CHCHD6: variants seen among roughly 807,000 people sequenced by gnomAD.
CHCHD6 encodes coiled-coil-helix-coiled-coil-helix domain containing 6, also known as MICOS complex subunit MIC25.
CHCHD6 carries 28 observed loss-of-function variants against 32.3 expected under a neutral mutation model. The observed-to-expected ratio is 0.87, with a 90% CI of 0.64 to 1.19. CHCHD6 has a LOEUF of 1.19. Among genes scored for constraint, CHCHD6 ranks in the 50% most tolerant of loss-of-function variants. The probability of loss-of-function intolerance (pLI) is 0.00; values close to 1 mark genes in which losing one functional copy is unlikely to be tolerated. For missense variants in CHCHD6, 333 were observed against 307.0 expected (o/e 1.08, Z -0.63); for synonymous variants, 122 against 117.5 (o/e 1.04, Z -0.25).
At chr3:126,925,417 CT>C (rs2078308500) in intron 6 of CHCHD6, among the ~76,000 whole-genome samples, 1 of 152,224 alleles carries the variant, frequency 6.6e-6, no homozygotes, top group African/African-American at 2.4e-5. Flanking sequence ...TAAGTTAGAT[CT>C]AGCAAAGAAC....
At chr3:126,898,804 G>T (rs893642204) in intron 5 of CHCHD6, among the ~76,000 whole-genome samples, 2 of 152,192 alleles carry the variant, frequency 1.3e-5, no homozygotes, top group Middle Eastern at 3.2e-3. Context: ...CTCCCAAAGT[G>T]CTGGGATTAC....
At chr3:126,738,844 G>A (rs773341744) in intron 4 of CHCHD6, among the ~76,000 whole-genome samples, 3 of 152,208 alleles carry the variant, frequency 2.0e-5, no homozygotes, top group Non-Finnish European at 4.4e-5. Flanking sequence ...TGATATTTGG[G>A]AGTCAACTAA....
chr3:126,760,343 T>C (rs1234202916), intron 4 of CHCHD6, among the ~76,000 whole-genome samples: 1 of 152,230 alleles, frequency 6.6e-6, no homozygotes, highest in Non-Finnish European at 1.5e-5. Context: ...GTAAAATATA[T>C]ATAAAATAAA....
At position 126,851,722 on chromosome 3, in the gene CHCHD6, G is replaced by A. The variant is rs181349459; in HGVS notation, c.412-925G>A. Among the ~76,000 whole-genome samples the A allele has an allele frequency of 8.3e-4, 126 of 152,336 alleles. 1 individual carries two copies. Among genetic ancestry groups the A allele is most frequent in the African/African-American group, 3.0e-3 (126 of 41,580 alleles). ...CTGGGGACATGAGTATCCCAGTGAC[G>A]GGACTTACATCCCTGCCTTGCCGTG... On this transcript the variant is annotated intron_variant, in intron 4 of 7. Coordinates refer to ENST00000290913, the MANE Select transcript of CHCHD6 (RefSeq NM_032343.3).
chr3:126,915,817 G>T (rs2078160651), intron 6 of CHCHD6, among the ~76,000 whole-genome samples: 7 of 152,170 alleles, frequency 4.6e-5, no homozygotes, highest in Admixed American at 4.6e-4. Flanking sequence ...TTGAGGCAGG[G>T]TCTCACTGTG....
At chr3:126,897,361 A>G (rs1301063712) in intron 5 of CHCHD6, among the ~76,000 whole-genome samples, 1 of 152,214 alleles carries the variant, frequency 6.6e-6, no homozygotes, top group Non-Finnish European at 1.5e-5. Context: ...CTTTTGGATT[A>G]ATATAGTGGT....
intron 4 of CHCHD6, among the ~76,000 whole-genome samples, chr3:126,774,182 C>T (rs6771432): frequency 0.012 from 1,895 of 152,228 alleles, 41 homozygotes; most frequent in African/African-American, 0.041. Context: ...AAAATTCACA[C>T]GTTAAGTGCT....
intron 4 of CHCHD6, among the ~76,000 whole-genome samples, chr3:126,784,279 G>T (rs1576411371): frequency 6.6e-6 from 1 of 152,078 alleles, no homozygotes; most frequent in South Asian, 2.1e-4. Context: ...CCACTGTTTT[G>T]CTCTTCGTGC....
At chr3:126,751,644 T>G (rs546381773) in intron 4 of CHCHD6, among the ~76,000 whole-genome samples, 1 of 151,628 alleles carries the variant, frequency 6.6e-6, no homozygotes, top group East Asian at 1.9e-4. Flanking sequence ...AGAGTGTGAG[T>G]TTTTTATTTA....
At chr3:126,805,451 A>G (rs1171379212) in intron 4 of CHCHD6, among the ~76,000 whole-genome samples, 1 of 152,142 alleles carries the variant, frequency 6.6e-6, no homozygotes, top group Non-Finnish European at 1.5e-5. Flanking sequence ...CCCATTCACA[A>G]TTGCTTCAAA....
chr3:126,807,085 T>A (rs1416473846), intron 4 of CHCHD6, among the ~76,000 whole-genome samples: 1 of 148,052 alleles, frequency 6.8e-6, no homozygotes, highest in Non-Finnish European at 1.5e-5. Flanking sequence ...CATTAGGCGA[T>A]ATACCTAATG....
chr3:126,929,485 A>G (rs2078371788), intron 6 of CHCHD6, among the ~76,000 whole-genome samples: 1 of 152,184 alleles, frequency 6.6e-6, no homozygotes, highest in Non-Finnish European at 1.5e-5. Context: ...GTTTATTCCC[A>G]GTAAACTTCA....
chr3:126,719,962 C>A (rs951916762), intron 1 of CHCHD6, among the ~76,000 whole-genome samples: 2 of 152,104 alleles, frequency 1.3e-5, no homozygotes, highest in African/African-American at 4.8e-5. Flanking sequence ...CTTACTGCAA[C>A]CTCCACCTCC....
In CHCHD6 at chr3:126,704,343, A is replaced by C; in HGVS notation, c.31A>C (p.Arg11=). The C allele has an allele frequency of 6.2e-7, 1 of 1,600,940 alleles. No individual in the cohort carries two copies. The highest frequency in any genetic ancestry group is 1.3e-5 in the African/African-American group (1 of 74,766). The change falls in exon 1 of 8, where the codon AGG becomes CGG. Residue 11 remains arginine (R), a synonymous_variant. Coordinates refer to ENST00000290913, the MANE Select transcript of CHCHD6 (RefSeq NM_032343.3). The stretch of plus-strand genomic sequence containing the variant: ...GAGCACGGAGAGCAGCGAGGGCCGC[A>C]GGGTGTCCTTCGGAGTGGACGAGGA... MGSTESSEGR[R]VSFGVDEEER...
chr3:126,811,793 T>G (rs1218761997), intron 4 of CHCHD6, among the ~76,000 whole-genome samples: 1 of 152,224 alleles, frequency 6.6e-6, no homozygotes, highest in Non-Finnish European at 1.5e-5. Context: ...TCTCATATTG[T>G]CCCTTGTATT....
At chr3:126,850,614 T>C (rs1287877933) in intron 4 of CHCHD6, among the ~76,000 whole-genome samples, 1 of 152,182 alleles carries the variant, frequency 6.6e-6, no homozygotes, top group East Asian at 1.9e-4. Flanking sequence ...TTCACTTAAC[T>C]GTAGAGAATG....
At chr3:126,806,307 C>G (rs1018740661) in intron 4 of CHCHD6, among the ~76,000 whole-genome samples, 5 of 152,096 alleles carry the variant, frequency 3.3e-5, no homozygotes, top group African/African-American at 9.7e-5. Context: ...ACTCATCTGA[C>G]AAAGGACTAA....
intron 3 of CHCHD6, among the ~76,000 whole-genome samples, chr3:126,731,217 G>A (rs751269046): frequency 6.6e-6 from 1 of 151,948 alleles, no homozygotes; most frequent in Non-Finnish European, 1.5e-5. Context: ...AGATGAGGAA[G>A]TGGAGCCCTC....
At chr3:126,844,673 A>G (rs1346156671) in intron 4 of CHCHD6, among the ~76,000 whole-genome samples, 3 of 152,314 alleles carry the variant, frequency 2.0e-5, no homozygotes, top group African/African-American at 7.2e-5. Context: ...AGGAAGAATA[A>G]TGGCCCCCCA....
Sources: gnomAD v4.1 joint callset for allele counts (sites outside exome capture counted in the v4.1 genomes callset) on GRCh38, gnomAD v4.1.1 for gene constraint, MANE v1.5 for transcripts, NCBI Gene and HGNC (gene_info 2026-07-23, HGNC 2026-07-21) for gene names.